The following MYOM2 variants were observed in gnomAD, a reference collection of about 807,000 sequenced individuals.
The protein encoded by MYOM2 is myomesin 2, also known as myomesin-2.
A neutral mutation model predicts 187.6 loss-of-function variants in MYOM2; 254 were observed. The ratio of observed to expected loss-of-function variants is 1.35; its 90% CI spans 1.22 to 1.50. MYOM2 has a LOEUF of 1.50. Ranked by LOEUF, MYOM2 falls within the 40% of genes most tolerant of loss-of-function variation. The pLI, the probability that MYOM2 is intolerant of heterozygous loss-of-function variation, is 0.00. For synonymous variants in MYOM2, 981 were observed against 753.8 expected (o/e 1.30, Z -4.94); for missense variants, 2,796 against 1,924.0 (o/e 1.45, Z -8.48).
chr8:2,061,693 C>T (rs1182599173), intron 6 of MYOM2, among the ~76,000 whole-genome samples: 2 of 152,232 alleles, frequency 1.3e-5, no homozygotes, highest in African/African-American at 4.8e-5. Flanking sequence ...CCACCCTCTG[C>T]AGATTCACTA....
At chr8:2,083,924 G>C (rs1172250609) in intron 13 of MYOM2, among the ~76,000 whole-genome samples, 1 of 152,210 alleles carries the variant, frequency 6.6e-6, no homozygotes, top group African/African-American at 2.4e-5. Context: ...CTACATGCAG[G>C]GGCAAAGGCA....
chr8:2,106,670 AAG>A, intron 23 of MYOM2, 73 bp downstream of exon 23: 1 of 1,119,486 alleles, frequency 8.9e-7, no homozygotes, highest in Non-Finnish European at 1.3e-6. Flanking sequence ...CAACATAGAA[AAG>A]ACTTACTTGC....
intron 13 of MYOM2, among the ~76,000 whole-genome samples, chr8:2,080,719 T>C (rs986045377): frequency 2.0e-5 from 3 of 152,352 alleles, no homozygotes; most frequent in South Asian, 2.1e-4. Context: ...GATTAAAACA[T>C]GGATATTTGA....
At position 2,076,265 on chromosome 8, in the gene MYOM2, G is replaced by T; in HGVS notation, c.1245G>T (p.Met415Ile). 1 of 1,613,716 alleles carries T rather than the reference G, an allele frequency of 6.2e-7. No homozygotes were observed. The highest frequency in any genetic ancestry group is 8.5e-7 in the Non-Finnish European group (1 of 1,179,932). ...ACACCACCACTGAGAGCCCCGTCAT[G>T]GGCTATTTTGTGGACCGGTGAGCGT... ...PPNTTTESPV[M>I]GYFVDRCEVG... Residue 415 changes from methionine (M) to isoleucine (I), a missense_variant, in exon 11 of 37, where the codon ATG becomes ATT. Transcript: ENST00000262113.
intron 13 of MYOM2, 109 bp from the exon 14 acceptor site, chr8:2,085,154 A>T (rs1272667668): frequency 1.7e-5 from 24 of 1,392,298 alleles, no homozygotes; most frequent in Non-Finnish European, 2.3e-5. Flanking sequence ...CCAAATAGAA[A>T]CAAAACAAGT....
chr8:2,144,730 C>T lies in MYOM2; in HGVS notation c.4147C>T (p.Gln1383Ter), dbSNP rs1392418150. The T allele has an allele frequency of 3.7e-6, 6 of 1,614,086 alleles. No individual in the cohort carries two copies. Among genetic ancestry groups the T allele is most frequent in the Non-Finnish European group, 5.1e-6 (6 of 1,180,038 alleles). Residue 1383 changes from glutamine (Q) to a stop codon, truncating the protein, a stop_gained, in exon 37 of 37, where the codon CAG becomes TAG. Coordinates refer to ENST00000262113, the MANE Select transcript of MYOM2 (RefSeq NM_003970.4). LOFTEE classifies it low-confidence loss of function (END_TRUNC). ...DPEVIWFKND[Q>*]DIQLSEHFSV... ...CGAAGTGATTTGGTTCAAGAACGACCAGGACATCCAGCTCAGCGAGCACTT... is the reference window on the plus strand; with the variant it reads ...CGAAGTGATTTGGTTCAAGAACGACTAGGACATCCAGCTCAGCGAGCACTT...
At chr8:2,048,895 T>C (rs1818392925) in intron 1 of MYOM2, among the ~76,000 whole-genome samples, 1 of 152,038 alleles carries the variant, frequency 6.6e-6, no homozygotes, top group Non-Finnish European at 1.5e-5. Context: ...GTTCACGCCA[T>C]TCTCCTGCCT....
chr8:2,073,571 G>C (rs1475010883), intron 10 of MYOM2, 71 bp downstream of exon 10: 2 of 1,484,610 alleles, frequency 1.3e-6, no homozygotes, highest in Non-Finnish European at 1.8e-6. Context: ...CCTGGGAGGA[G>C]GGAGGCGCTG....
In MYOM2 at chr8:2,144,661, A is replaced by G. The variant is rs778480645; in HGVS notation, c.4081-3A>G. ...CTTCTCCACCAACCTCTTCCGTCCAAAGACCTTGAATCTGACCTGCACGGT... is the reference window on the plus strand; with the variant it reads ...CTTCTCCACCAACCTCTTCCGTCCAGAGACCTTGAATCTGACCTGCACGGT... On this transcript the variant is annotated splice_polypyrimidine_tract_variant and splice_region_variant and intron_variant, in intron 36 of 36. Coordinates refer to ENST00000262113, the MANE Select transcript of MYOM2 (RefSeq NM_003970.4). 1.9e-6 allele frequency: 3 copies of G among 1,612,942 alleles called. No homozygotes were observed. The highest frequency in any genetic ancestry group is 1.1e-5 in the South Asian group (1 of 91,024).
Position 2,098,877 on chromosome 8 carries a change from C to G in MYOM2, c.2334C>G (p.Gly778=). 3 of 1,612,974 alleles carry G rather than the reference C, an allele frequency of 1.9e-6. No individual in the cohort carries two copies. Among genetic ancestry groups the G allele is most frequent in the Middle Eastern group, 1.7e-4 (1 of 6,052 alleles). Residue 778 remains glycine, a synonymous_variant, in exon 19 of 37, where the codon GGC becomes GGG. Coordinates refer to ENST00000262113, the MANE Select transcript of MYOM2 (RefSeq NM_003970.4). ...AATAGGTGGACGGCTTGACGGAAGG[C>G]TCACTCTACGAGTTCAAAATCGCCG... The part of the protein sequence containing the change: ...TILTVDGLTE[G]SLYEFKIAAV...
intron 32 of MYOM2, among the ~76,000 whole-genome samples, chr8:2,139,879 C>T (rs7832951): frequency 1.5e-3 from 232 of 152,280 alleles, no homozygotes; most frequent in African/African-American, 5.3e-3. Flanking sequence ...TGTATGAGCA[C>T]CTTGTTTTTA....
At chr8:2,128,221 T>TA (rs1400298287) in intron 31 of MYOM2, among the ~76,000 whole-genome samples, 1 of 152,220 alleles carries the variant, frequency 6.6e-6, no homozygotes, top group Non-Finnish European at 1.5e-5. Context: ...GATTTAGGAA[T>TA]ATGTTCTTTG....
At chr8:2,126,803 G>A (rs535445891) in intron 31 of MYOM2, among the ~76,000 whole-genome samples, 2 of 114,072 alleles carry the variant, frequency 1.8e-5, no homozygotes, top group East Asian at 5.5e-4. Flanking sequence ...GGGAGCACTG[G>A]GGGAGGCTGA....
In MYOM2 at chr8:2,098,840, A is replaced by G. The variant is rs773725053; in HGVS notation, c.2314-17A>G. The stretch of plus-strand genomic sequence containing the variant: ...CATCCTTTATCTCATGTATTAATTT[A>G]AACAAAATCTGAATAGGTGGACGGC... On this transcript the variant is annotated splice_polypyrimidine_tract_variant and intron_variant, in intron 18 of 36. Transcript: ENST00000262113. The G allele has an allele frequency of 1.9e-6, 3 of 1,602,690 alleles. No homozygotes were observed. The East Asian group carries it at 6.7e-5, about 36-fold the overall frequency.
At chr8:2,141,711 C>T (rs1296617047) in intron 34 of MYOM2, among the ~76,000 whole-genome samples, 2 of 152,178 alleles carry the variant, frequency 1.3e-5, no homozygotes, top group South Asian at 2.1e-4. Context: ...TGTTTCTGGT[C>T]GGAGGTGTCA....
At chr8:2,100,093 C>T (rs1432470316) in intron 19 of MYOM2, among the ~76,000 whole-genome samples, 1 of 87,554 alleles carries the variant, frequency 1.1e-5, no homozygotes, top group East Asian at 4.7e-4. Context: ...TCTTTCCTTC[C>T]TTCCTTCCTT....
At chr8:2,137,226 C>T (rs530149967) in intron 32 of MYOM2, among the ~76,000 whole-genome samples, 5 of 151,874 alleles carry the variant, frequency 3.3e-5, no homozygotes, top group East Asian at 3.9e-4. Context: ...CTAACACCCA[C>T]GTGATGTGTG....
intron 31 of MYOM2, among the ~76,000 whole-genome samples, chr8:2,127,002 A>G (rs1352825823): frequency 2.1e-5 from 3 of 144,982 alleles, no homozygotes; most frequent in African/African-American, 5.2e-5. Flanking sequence ...GAGCACTGGG[A>G]GAGGCTGATA....
intron 32 of MYOM2, among the ~76,000 whole-genome samples, chr8:2,133,069 G>C (rs939867297): frequency 6.6e-6 from 1 of 152,160 alleles, no homozygotes; most frequent in African/African-American, 2.4e-5. Context: ...AGGGGTGGGA[G>C]CTCCAGGTAT....
Sources: allele counts gnomAD v4.1 joint callset (sites outside exome capture counted in the v4.1 genomes callset), GRCh38; gene constraint gnomAD v4.1.1; transcripts MANE v1.5; gene names NCBI Gene and HGNC (gene_info 2026-07-23, HGNC 2026-07-21).